ARFGEF2: variants seen among roughly 807,000 people sequenced by gnomAD.
ARFGEF2 encodes the protein ARF guanine nucleotide exchange factor 2.
ARFGEF2 carries 74 observed loss-of-function variants against 219.9 expected under a neutral mutation model. The observed-to-expected ratio is 0.34, with a 90% confidence interval of 0.28 to 0.41. The LOEUF (loss-of-function observed/expected upper bound fraction) is 0.41. ARFGEF2 is among the 10% of genes least tolerant of loss of function. ARFGEF2 has a pLI of 1.00. For synonymous variants in ARFGEF2, 733 were observed against 799.2 expected (o/e 0.92, Z 1.40); for missense variants, 1,743 against 2,218.3 (o/e 0.79, Z 4.30).
chr20:48,938,010 G>T (rs2090969938), intron 1 of ARFGEF2, among the ~76,000 whole-genome samples: 2 of 152,184 alleles, frequency 1.3e-5, no homozygotes, highest in South Asian at 4.1e-4. Context: ...TGCATTTATG[G>T]TTTACAGAGT....
In ARFGEF2 at chr20:49,035,690, T is replaced by G. The variant is rs1404049267; in HGVS notation, c.*2491T>G. 6.6e-6 allele frequency: 1 copy of G among 152,564 alleles called. No individual in the cohort carries two copies. Among genetic ancestry groups the G allele is most frequent in the Non-Finnish European group, 1.5e-5 (1 of 68,312 alleles). 9.5% of individuals were successfully genotyped at this position (152,564 alleles called of 1,614,324 possible). A position where few individuals can be genotyped will look rare whatever the true frequency, so the allele number is the denominator to read the frequency against. ...AACATTTTCCAAGGCCTTATTTCTTTTTCAGAATGCTTTAAGTGTTGATTA... is the reference window on the plus strand; with the variant it reads ...AACATTTTCCAAGGCCTTATTTCTTGTTCAGAATGCTTTAAGTGTTGATTA... On this transcript the variant is annotated 3_prime_UTR_variant, in exon 39 of 39. Coordinates refer to ENST00000371917, the MANE Select transcript of ARFGEF2 (RefSeq NM_006420.3).
At chr20:49,020,235 A>G (rs1224402447) in intron 34 of ARFGEF2, among the ~76,000 whole-genome samples, 1 of 152,216 alleles carries the variant, frequency 6.6e-6, no homozygotes, top group Non-Finnish European at 1.5e-5. Context: ...TGTCCTCAAC[A>G]TGCTAGGCCA....
chr20:48,945,028 CCTT>C (rs375859268), intron 3 of ARFGEF2, among the ~76,000 whole-genome samples: 271 of 152,248 alleles, frequency 1.8e-3, no homozygotes, highest in African/African-American at 6.3e-3. Context: ...AGGGTACACT[CCTT>C]CTGGCTGCAG....
chr20:48,989,813 T>G lies in ARFGEF2; in HGVS notation c.2814+129T>G, dbSNP rs148727380. ...TAGCAAGCTACTTACTTATGCCTAC[T>G]GACAAGAAATCCGTAGCTTTGTGAT... On this transcript the variant is annotated intron_variant, in intron 20 of 38. Coordinates refer to ENST00000371917, the MANE Select transcript of ARFGEF2 (RefSeq NM_006420.3). 3.5e-4 allele frequency: 482 copies of G among 1,371,232 alleles called. 2 individuals are homozygous for G. In the African/African-American group the frequency reaches 5.0e-3, roughly 14 times the overall value. 84.9% of individuals were successfully genotyped at this position (1,371,232 alleles called of 1,614,324 possible).
In ARFGEF2 at chr20:48,941,907, G is replaced by C; in HGVS notation, c.196G>C (p.Asp66His). ...APPKANFIEA[D>H]KYFLPFELAC... The stretch of plus-strand genomic sequence containing the variant: ...ACCAAAGGCAAACTTCATTGAAGCT[G>C]ACAAGTATTTTCTTCCATTCGAGCT... Residue 66 changes from aspartate (D) to histidine (H), a missense_variant, in exon 3 of 39, where the codon GAC (aspartate) becomes CAC (histidine). Physicochemically the swap from Asp to His is moderately conservative, Grantham distance 81. Around this residue, in one of 5 missense-constraint regions of ARFGEF2, gnomAD observed 394 missense variants for 426.6 expected, o/e 0.92. Transcript: ENST00000371917. 1 of 1,614,210 alleles carries C rather than the reference G, an allele frequency of 6.2e-7. No individual in the cohort carries two copies.
chr20:48,994,647 G>T lies in ARFGEF2; in HGVS notation c.3121+49G>T, dbSNP rs200976813. The stretch of plus-strand genomic sequence containing the variant: ...AACAGTCACGGATTTGCAAGCTAAC[G>T]GGGATGAAACCCTTCTTGTCTCATC... On this transcript the variant is annotated intron_variant, in intron 22 of 38. Coordinates refer to ENST00000371917, the MANE Select transcript of ARFGEF2 (RefSeq NM_006420.3). The T allele has an allele frequency of 3.7e-6, 6 of 1,607,888 alleles. No homozygotes were observed. The East Asian group carries it at 1.3e-4, about 36-fold the overall frequency.
At chr20:48,942,262 T>C (rs946759646) in intron 3 of ARFGEF2, among the ~76,000 whole-genome samples, 6 of 152,184 alleles carry the variant, frequency 3.9e-5, no homozygotes, top group African/African-American at 1.4e-4. Context: ...TTAGCATTAA[T>C]TGGAATATTT....
chr20:48,933,359 T>A (rs1238803539), intron 1 of ARFGEF2, among the ~76,000 whole-genome samples: 1 of 152,184 alleles, frequency 6.6e-6, no homozygotes, highest in South Asian at 2.1e-4. Context: ...GCGTGGATCC[T>A]GACTGCAGAG....
chr20:49,024,320 G>T (rs1053887752), intron 35 of ARFGEF2, among the ~76,000 whole-genome samples: 1 of 152,122 alleles, frequency 6.6e-6, no homozygotes, highest in Non-Finnish European at 1.5e-5. Context: ...TCCAAAAGTT[G>T]GACAGTTATC....
At chr20:48,935,765 CG>C (rs1372432522) in intron 1 of ARFGEF2, among the ~76,000 whole-genome samples, 1 of 148,210 alleles carries the variant, frequency 6.7e-6, no homozygotes, top group African/African-American at 2.5e-5. Context: ...GCTGGCTGGG[CG>C]GGGGGCTGAC....
At chr20:48,976,624 C>T (rs1227360542) in intron 14 of ARFGEF2, among the ~76,000 whole-genome samples, 4 of 152,044 alleles carry the variant, frequency 2.6e-5, no homozygotes, top group Non-Finnish European at 5.9e-5. Flanking sequence ...CTGGCTAACA[C>T]GGTGAACCCC....
At chr20:48,964,313 G>C (rs1335213373) in intron 7 of ARFGEF2, among the ~76,000 whole-genome samples, 9 of 152,220 alleles carry the variant, frequency 5.9e-5, no homozygotes, top group Non-Finnish European at 1.5e-5. Context: ...GCTGAGGCAG[G>C]AGAATTGCTT....
chr20:49,011,697 C>G (rs991754114), intron 27 of ARFGEF2, among the ~76,000 whole-genome samples: 1 of 152,212 alleles, frequency 6.6e-6, no homozygotes, highest in African/African-American at 2.4e-5. Context: ...TACATCATTG[C>G]TTGAGCGCAG....
At position 48,936,225 on chromosome 20, in the gene ARFGEF2, G is replaced by C. The variant is rs555229895; in HGVS notation, c.122-4974G>C. Among the ~76,000 whole-genome samples the C allele has an allele frequency of 4.4e-3, 573 of 129,408 alleles. 6 individuals are homozygous for C. The highest frequency in any genetic ancestry group is 0.015 in the African/African-American group (510 of 33,640). 84.9% of individuals were successfully genotyped at this position (129,408 alleles called of 152,430 possible). A position where few individuals can be genotyped will look rare whatever the true frequency, so the allele number is the denominator to read the frequency against. On this transcript the variant is annotated intron_variant, in intron 1 of 38. Coordinates refer to ENST00000371917, the MANE Select transcript of ARFGEF2 (RefSeq NM_006420.3). Reference sequence around the variant, plus strand: ...GGGCAGAGGCGCCCCTCACCTCCCGGACGGGGCGGCTGGCCGGGCGGGGGG... The same window carrying C: ...GGGCAGAGGCGCCCCTCACCTCCCGCACGGGGCGGCTGGCCGGGCGGGGGG...
chr20:49,023,963 C>T (rs1849565086), intron 35 of ARFGEF2, among the ~76,000 whole-genome samples: 1 of 151,240 alleles, frequency 6.6e-6, no homozygotes, highest in Admixed American at 6.6e-5. Flanking sequence ...GATTCTTTTC[C>T]TTTTTTTCTT....
At chr20:48,948,222 CT>C (rs911233015) in intron 3 of ARFGEF2, among the ~76,000 whole-genome samples, 6 of 151,716 alleles carry the variant, frequency 4.0e-5, no homozygotes, top group African/African-American at 1.2e-4. Flanking sequence ...TCTTTCCTCT[CT>C]TTTTTTTTCA....
chr20:48,954,386 A>G (rs2091092910), intron 6 of ARFGEF2, among the ~76,000 whole-genome samples: 1 of 152,252 alleles, frequency 6.6e-6, no homozygotes. Context: ...TTGAGTTGTT[A>G]TAAGATGATA....
chr20:48,943,055 A>G (rs943568449), intron 3 of ARFGEF2, among the ~76,000 whole-genome samples: 2 of 152,208 alleles, frequency 1.3e-5, no homozygotes, highest in Admixed American at 6.5e-5. Flanking sequence ...AAAGCACATC[A>G]GCACACCCTC....
intron 34 of ARFGEF2, 64 bp from the exon 35 acceptor site, chr20:49,022,987 C>T: frequency 6.2e-7 from 1 of 1,600,858 alleles, no homozygotes; most frequent in Non-Finnish European, 8.6e-7. Flanking sequence ...AGTAGGAGCT[C>T]AGTGGATATT....
Sources: allele counts gnomAD v4.1 joint callset (sites outside exome capture counted in the v4.1 genomes callset), GRCh38; gene constraint gnomAD v4.1.1; regional missense constraint gnomAD v4.1.1; transcripts MANE v1.5; gene names NCBI Gene and HGNC (gene_info 2026-07-23, HGNC 2026-07-21).